Variants in ARL15 observed in about 807,000 individuals in gnomAD.
The protein encoded by ARL15 is ARF like GTPase 15.
In ARL15, 19 loss-of-function variants were observed where a neutral mutation model predicts 25.2. That is an observed-to-expected ratio of 0.75 (90% confidence interval 0.53 to 1.10). The LOEUF is 1.10. Among genes scored for constraint, ARL15 ranks in the 50% least tolerant of loss-of-function variants. The pLI is 0.00. For missense variants in ARL15, 220 were observed against 246.0 expected (o/e 0.89, Z 0.71); for synonymous variants, 94 against 86.8 (o/e 1.08, Z -0.46).
intron 1 of ARL15, among the ~76,000 whole-genome samples, chr5:54,250,388 G>A (rs1021330148): frequency 6.6e-6 from 1 of 152,168 alleles, no homozygotes; most frequent in African/African-American, 2.4e-5. Flanking sequence ...GCTAAGCAGG[G>A]AAATAAAAGC....
At chr5:53,952,226 C>A (rs1236331352) in intron 4 of ARL15, among the ~76,000 whole-genome samples, 1 of 152,068 alleles carries the variant, frequency 6.6e-6, no homozygotes, top group East Asian at 1.9e-4. Context: ...CACGCCACTG[C>A]ACTTCAGCCT....
chr5:54,191,600 C>G (rs1755402908), intron 1 of ARL15, among the ~76,000 whole-genome samples: 1 of 152,120 alleles, frequency 6.6e-6, no homozygotes, highest in South Asian at 2.1e-4. Flanking sequence ...GTTGCTCAGG[C>G]CAAAAACTCT....
intron 4 of ARL15, among the ~76,000 whole-genome samples, chr5:54,041,579 C>A (rs146617651): frequency 6.6e-6 from 1 of 152,166 alleles, no homozygotes; most frequent in Non-Finnish European, 1.5e-5. Flanking sequence ...ACAAGTATGA[C>A]CTGGCTATTA....
chr5:54,037,724 T>C (rs1028011723), intron 4 of ARL15, among the ~76,000 whole-genome samples: 9 of 152,074 alleles, frequency 5.9e-5, no homozygotes, highest in African/African-American at 1.7e-4. Flanking sequence ...AAATGGATGA[T>C]AGGCACTTTT....
intron 1 of ARL15, among the ~76,000 whole-genome samples, chr5:54,193,773 T>G (rs1242267797): frequency 6.6e-6 from 1 of 151,548 alleles, no homozygotes; most frequent in Non-Finnish European, 1.5e-5. Flanking sequence ...TTATGTACTC[T>G]GCCTAGCACA....
rs117774836 is a variant in ARL15 at position 54,123,941 on chromosome 5, C to T, written c.254-10531G>A. ...AAAGGAGTAGGGATCAATGCACTAGCCAAAAAGAAGACAAATGACTTTGAA... is the reference window on the plus strand; with the variant it reads ...AAAGGAGTAGGGATCAATGCACTAGTCAAAAAGAAGACAAATGACTTTGAA... On this transcript the variant is annotated intron_variant, in intron 3 of 4. Transcript: ENST00000504924. Among the ~76,000 whole-genome samples the T allele has an allele frequency of 3.6e-4, 55 of 152,218 alleles. No homozygotes were observed. The East Asian group carries it at 0.01, about 28-fold the overall frequency.
intron 1 of ARL15, chr5:54,282,225 C>T (rs1758077166): frequency 1.0e-6 from 1 of 984,522 alleles, no homozygotes. Context: ...AGGGTCTTCA[C>T]TTATTTTTCA....
intron 1 of ARL15, among the ~76,000 whole-genome samples, chr5:54,257,771 G>A (rs969967029): frequency 6.6e-6 from 1 of 152,268 alleles, no homozygotes; most frequent in East Asian, 1.9e-4. Context: ...TCTATTCCAA[G>A]CCCACACAAA....
At chr5:54,111,166 C>T (rs7717211) in intron 4 of ARL15, among the ~76,000 whole-genome samples, 3,743 of 152,016 alleles carry the variant, frequency 0.025, 131 homozygotes, top group African/African-American at 0.079. Context: ...TTAAAGCAGT[C>T]CCCATATTGG....
At chr5:54,279,588 C>T (rs768643424) in intron 1 of ARL15, among the ~76,000 whole-genome samples, 1 of 152,168 alleles carries the variant, frequency 6.6e-6, no homozygotes, top group Non-Finnish European at 1.5e-5. Flanking sequence ...TCATCACATT[C>T]GGAGTCAGGG....
At chr5:54,033,199 G>A (rs1325428787) in intron 4 of ARL15, among the ~76,000 whole-genome samples, 3 of 151,930 alleles carry the variant, frequency 2.0e-5, no homozygotes, top group African/African-American at 7.3e-5. Flanking sequence ...TGTAATCCCA[G>A]CTACTCGGGA....
chr5:54,117,464 G>A (rs1224529296), intron 3 of ARL15, among the ~76,000 whole-genome samples: 6 of 150,882 alleles, frequency 4.0e-5, no homozygotes, highest in Non-Finnish European at 7.4e-5. Context: ...CATAATGTAT[G>A]AATAATATAT....
intron 4 of ARL15, among the ~76,000 whole-genome samples, chr5:54,019,841 A>T (rs1749539113): frequency 6.6e-6 from 1 of 152,204 alleles, no homozygotes; most frequent in Admixed American, 6.6e-5. Context: ...TCCATTTTTT[A>T]AAAAACCAGA....
chr5:53,916,075 T>A (rs1388166157), intron 4 of ARL15, among the ~76,000 whole-genome samples: 3 of 152,090 alleles, frequency 2.0e-5, no homozygotes, highest in Non-Finnish European at 4.4e-5. Context: ...CCTGGCTTTT[T>A]AATTTATTTT....
intron 3 of ARL15, among the ~76,000 whole-genome samples, chr5:54,121,396 ACC>A: frequency 6.6e-6 from 1 of 152,152 alleles, no homozygotes; most frequent in African/African-American, 2.4e-5. Context: ...ACAGAAGGCC[ACC>A]CAGCATCATG....
chr5:54,085,913 A>G (rs561817238), intron 4 of ARL15, among the ~76,000 whole-genome samples: 1 of 142,212 alleles, frequency 7.0e-6, no homozygotes, highest in African/African-American at 2.7e-5. Flanking sequence ...GGCACCACAC[A>G]TGAGCTTTTT....
chr5:54,041,968 G>A (rs1032923675), intron 4 of ARL15, among the ~76,000 whole-genome samples: 4 of 150,074 alleles, frequency 2.7e-5, no homozygotes, highest in African/African-American at 7.4e-5. Context: ...GCTTGTTTTC[G>A]TTTTTGTTTT....
chr5:53,973,987 A>G (rs961682179), intron 4 of ARL15, among the ~76,000 whole-genome samples: 6 of 152,134 alleles, frequency 3.9e-5, no homozygotes, highest in Non-Finnish European at 7.4e-5. Flanking sequence ...AAACAGAAAA[A>G]AAGAAGACAA....
At chr5:54,043,841 T>C (rs1268165787) in intron 4 of ARL15, among the ~76,000 whole-genome samples, 6 of 130,414 alleles carry the variant, frequency 4.6e-5, no homozygotes, top group Non-Finnish European at 1.0e-4. Flanking sequence ...CAAGACCCCA[T>C]CTCTTAAAAA....
Sources: allele counts gnomAD v4.1 joint callset (sites outside exome capture counted in the v4.1 genomes callset), GRCh38; gene constraint gnomAD v4.1.1; transcripts MANE v1.5; gene names NCBI Gene and HGNC (gene_info 2026-07-23, HGNC 2026-07-21).